ABCC5: variants seen among roughly 807,000 people sequenced by gnomAD.
The protein encoded by ABCC5 is ATP-binding cassette sub-family C member 5.
A neutral mutation model predicts 160.9 loss-of-function variants in ABCC5; 61 were observed. The observed-to-expected ratio is 0.38, with a 90% CI of 0.31 to 0.47. The LOEUF (loss-of-function observed/expected upper bound fraction) is 0.47, where lower values mean the gene tolerates loss of function less well. Ranked by LOEUF, ABCC5 falls within the 20% of genes least tolerant of loss-of-function variation. The pLI is 0.99. For synonymous variants in ABCC5, 666 were observed against 700.6 expected, an observed-to-expected ratio of 0.95 and a Z score of 0.78; for missense variants, 1,308 against 1,813.3, an observed-to-expected ratio of 0.72 and a Z score of 5.06.
chr3:183,957,191 C>T lies in ABCC5; in HGVS notation c.2482+2542G>A, dbSNP rs1398713176. 1.2e-4 allele frequency among the ~76,000 whole-genome samples: 14 copies of T among 117,130 alleles called. 2 individuals are homozygous for T. The highest frequency in any genetic ancestry group is 5.7e-5 in the Non-Finnish European group (3 of 53,046). 76.8% of individuals were successfully genotyped at this position (117,130 alleles called of 152,430 possible). On this transcript the variant is annotated intron_variant, in intron 17 of 29. Transcript: ENST00000334444. The stretch of plus-strand genomic sequence containing the variant: ...ATGTGGGTCCGTGTGTATATCACAT[C>T]GGTTACATGCTTATCCGTGTGTATA...
intron 10 of ABCC5, 101 bp downstream of exon 10, chr3:183,977,416 T>C (rs1002879737): frequency 6.4e-6 from 5 of 776,066 alleles, no homozygotes; most frequent in Non-Finnish European, 1.0e-5. Flanking sequence ...AAGCCAAGCT[T>C]AAGCCCAGTG....
chr3:183,982,574 G>A lies in ABCC5; in HGVS notation c.876C>T (p.Ala292=), dbSNP rs1718840300. The A allele has an allele frequency of 8.1e-6, 13 of 1,614,136 alleles. No homozygotes were observed. Among genetic ancestry groups the A allele is most frequent in the South Asian group, 1.1e-5 (1 of 91,078 alleles). ...GTCCTCCAGCCAGCAGGCTGCCAAC[G>A]GCTGCTGCCTCAAACATTCTCTGCC... ...NDGQRMFEAA[A]VGSLLAGGPV... Residue 292 remains alanine, a synonymous_variant, in exon 7 of 30, where the codon GCC becomes GCT. Coordinates refer to ENST00000334444, the MANE Select transcript of ABCC5 (RefSeq NM_005688.4). This position sits in a 1 kb window ranked among gnomAD's most constrained non-coding sequence, Gnocchi z 5.2.
At chr3:184,000,333 A>G (rs1482912228) in intron 2 of ABCC5, among the ~76,000 whole-genome samples, 1 of 152,138 alleles carries the variant, frequency 6.6e-6, no homozygotes, top group Non-Finnish European at 1.5e-5. Flanking sequence ...ACAGAGTGAG[A>G]CCCTGTCTCT....
intron 24 of ABCC5, 50 bp from the exon 25 acceptor site, chr3:183,942,966 G>A: frequency 6.5e-7 from 1 of 1,534,536 alleles, no homozygotes; most frequent in Non-Finnish European, 8.8e-7. Flanking sequence ...TTCTTGGGGA[G>A]CTGCAGGCTT....
intron 26 of ABCC5, among the ~76,000 whole-genome samples, chr3:183,933,775 T>C (rs1202818698): frequency 6.6e-6 from 1 of 152,198 alleles, no homozygotes; most frequent in Non-Finnish European, 1.5e-5. Context: ...TCTTGTGACT[T>C]TCTGAGTTTT....
intron 26 of ABCC5, among the ~76,000 whole-genome samples, chr3:183,936,509 A>G (rs984941961): frequency 3.4e-5 from 5 of 146,284 alleles, no homozygotes; most frequent in South Asian, 2.1e-4. Context: ...TACTTTTAGA[A>G]TGATTTTTTT....
At chr3:183,973,844 T>G (rs1285314346) in intron 10 of ABCC5, among the ~76,000 whole-genome samples, 1 of 152,150 alleles carries the variant, frequency 6.6e-6, no homozygotes, top group Non-Finnish European at 1.5e-5. Flanking sequence ...CCGACAGAAT[T>G]TCCATCATTT....
intron 17 of ABCC5, among the ~76,000 whole-genome samples, chr3:183,957,777 T>TCCGTGTGTATATCACATCGGTTACACGA: frequency 1.8e-5 from 1 of 56,254 alleles, no homozygotes; most frequent in South Asian, 5.9e-4. Context: ...CGGTTACACG[T>TCCGTGTGTATATCACATCGGTTACACGA]AAATCCGTGT....
chr3:183,947,618 T>G, intron 22 of ABCC5, 108 bp from the exon 23 acceptor site: 1 of 885,780 alleles, frequency 1.1e-6, no homozygotes, highest in Admixed American at 3.2e-5. Context: ...AAATACTTCC[T>G]GTTTCTAACT....
chr3:183,995,862 C>CA (rs1294525996), intron 2 of ABCC5, among the ~76,000 whole-genome samples: 1 of 152,018 alleles, frequency 6.6e-6, no homozygotes, highest in Non-Finnish European at 1.5e-5. Flanking sequence ...GGCTGGAGTG[C>CA]AGTGGTGCGA....
At chr3:183,973,500 A>G (rs1334767205) in intron 10 of ABCC5, among the ~76,000 whole-genome samples, 1 of 152,164 alleles carries the variant, frequency 6.6e-6, no homozygotes, top group Non-Finnish European at 1.5e-5. Context: ...GACCCTCCTT[A>G]GTTACTGAGA....
At chr3:183,957,137 C>CA (rs1560005359) in intron 17 of ABCC5, among the ~76,000 whole-genome samples, 34 of 100,092 alleles carry the variant, frequency 3.4e-4, no homozygotes, top group African/African-American at 1.1e-3. Flanking sequence ...CGGTTACATG[C>CA]GGGTCCGTGT....
chr3:184,011,025 A>G (rs991008524), intron 2 of ABCC5, among the ~76,000 whole-genome samples: 1 of 151,990 alleles, frequency 6.6e-6, no homozygotes, highest in African/African-American at 2.4e-5. Context: ...TACGGGCGTG[A>G]GCCACCGTGC....
At chr3:183,959,271 C>T (rs1460084210) in intron 17 of ABCC5, among the ~76,000 whole-genome samples, 2 of 152,192 alleles carry the variant, frequency 1.3e-5, no homozygotes, top group African/African-American at 4.8e-5. Flanking sequence ...GTCACTCTTA[C>T]TCATAGTCCT....
At chr3:183,968,043 C>G (rs1717387585) in intron 11 of ABCC5, among the ~76,000 whole-genome samples, 1 of 152,096 alleles carries the variant, frequency 6.6e-6, no homozygotes, top group African/African-American at 2.4e-5. Flanking sequence ...AGCCTCTTTC[C>G]TATTCTGCTG....
intron 26 of ABCC5, among the ~76,000 whole-genome samples, chr3:183,932,405 G>C (rs1713262075): frequency 6.6e-6 from 1 of 152,190 alleles, no homozygotes; most frequent in South Asian, 2.1e-4. Flanking sequence ...AGGCAGATGA[G>C]ACTTTGAAGA....
At chr3:183,989,661 T>A (rs1414410594) in intron 2 of ABCC5, among the ~76,000 whole-genome samples, 1 of 151,820 alleles carries the variant, frequency 6.6e-6, no homozygotes, top group Non-Finnish European at 1.5e-5. Context: ...TGCTCCCATA[T>A]ACCTCTGTAC....
intron 2 of ABCC5, chr3:184,000,668 AT>A (rs1253098145): frequency 3.9e-5 from 6 of 152,310 alleles, no homozygotes; most frequent in Non-Finnish European, 8.8e-5. Flanking sequence ...CGGTCTGAAC[AT>A]TAAACTGATT....
intron 11 of ABCC5, 107 bp from the exon 12 acceptor site, chr3:183,967,873 C>T (rs1717371531): frequency 2.2e-6 from 2 of 913,188 alleles, no homozygotes; most frequent in South Asian, 1.4e-5. Flanking sequence ...ACAGAACTGT[C>T]ACCCTGATGA....
Sources: gnomAD v4.1 joint callset for allele counts (sites outside exome capture counted in the v4.1 genomes callset) on GRCh38, gnomAD v4.1.1 for gene constraint, Gnocchi (gnomAD v3.1) non-coding constraint, MANE v1.5 for transcripts, NCBI Gene and HGNC (gene_info 2026-07-23, HGNC 2026-07-21) for gene names.